Variants in PHKA1 observed in about 807,000 individuals in gnomAD.
PHKA1 encodes phosphorylase b kinase regulatory subunit alpha, skeletal muscle isoform.
Under a neutral mutation model 110.2 loss-of-function variants are expected in PHKA1, and 60 were observed. The ratio of observed to expected loss-of-function variants is 0.54; its 90% confidence interval spans 0.44 to 0.68. PHKA1 has a LOEUF of 0.68. PHKA1 is among the 30% of genes least tolerant of loss of function. The probability of loss-of-function intolerance (pLI) is 0.00; values close to 1 mark genes in which losing one functional copy is unlikely to be tolerated. For synonymous variants in PHKA1, 316 were observed against 333.6 expected (o/e 0.95, Z 0.58); for missense variants, 801 against 942.5 (o/e 0.85, Z 1.97).
At chrX:72,645,471 G>A (rs2053349479) in intron 13 of PHKA1, among the ~76,000 whole-genome samples, 1 of 112,035 alleles carries the variant, frequency 8.9e-6, no homozygotes, top group African/African-American at 3.2e-5. Context: ...CATGCTAATG[G>A]GCTGCTGTTG....
At chrX:72,662,228 C>T (rs781821133) in intron 8 of PHKA1, among the ~76,000 whole-genome samples, 27 of 111,994 alleles carry the variant, frequency 2.4e-4, no homozygotes, top group African/African-American at 6.8e-4. Flanking sequence ...AAAGCTGCTG[C>T]AGTACAGTGC....
intron 23 of PHKA1, among the ~76,000 whole-genome samples, chrX:72,607,467 T>C: frequency 8.9e-6 from 1 of 112,270 alleles, no homozygotes; most frequent in Admixed American, 9.4e-5. Flanking sequence ...ATTTCTCTGA[T>C]GATCAATGAT....
chrX:72,669,921 G>T (rs1197803996), intron 6 of PHKA1, among the ~76,000 whole-genome samples: 1 of 110,522 alleles, frequency 9.0e-6, no homozygotes, highest in African/African-American at 3.3e-5. Context: ...GGGTCAAATG[G>T]TATTTCTAGT....
chrX:72,682,037 G>A (rs782652055), intron 5 of PHKA1, among the ~76,000 whole-genome samples: 20 of 32,932 alleles, frequency 6.1e-4, no homozygotes, highest in African/African-American at 1.0e-3. Flanking sequence ...TGGGGGGGTC[G>A]GCCCCCCGCC....
intron 18 of PHKA1, among the ~76,000 whole-genome samples, chrX:72,621,572 T>C (rs982298286): frequency 1.8e-5 from 2 of 111,914 alleles, no homozygotes; most frequent in African/African-American, 6.5e-5. Context: ...GGTTTATAGT[T>C]AGAAAAACAC....
chrX:72,588,435 G>A (rs2052466814), intron 29 of PHKA1, among the ~76,000 whole-genome samples: 1 of 112,010 alleles, frequency 8.9e-6, no homozygotes, highest in African/African-American at 3.2e-5. Flanking sequence ...GCAGTGTGTA[G>A]AGGGAAATTT....
At chrX:72,647,787 T>C (rs1211850869) in intron 13 of PHKA1, among the ~76,000 whole-genome samples, 1 of 111,180 alleles carries the variant, frequency 9.0e-6, no homozygotes, top group African/African-American at 3.3e-5. Flanking sequence ...AATATTTATA[T>C]AAGCAAGAGC....
chrX:72,618,236 G>A (rs1318954668), intron 21 of PHKA1, among the ~76,000 whole-genome samples: 2 of 111,747 alleles, frequency 1.8e-5, no homozygotes, highest in African/African-American at 6.5e-5. Flanking sequence ...AGCTTGTGGG[G>A]TTTAGGAGAG....
chrX:72,611,199 A>T lies in PHKA1; in HGVS notation c.2370-15T>A. On this transcript the variant is annotated splice_polypyrimidine_tract_variant and intron_variant, in intron 21 of 31. Transcript: ENST00000373542. ...AGTCAGGTCCTCTAGAATTTTAACG[A>T]CAGGACTACATCAGTTTTAAGTAAA... The T allele has an allele frequency of 8.5e-7, 1 of 1,169,744 alleles. No individual in the cohort carries two copies. Among genetic ancestry groups the T allele is most frequent in the East Asian group, 3.0e-5 (1 of 33,671 alleles).
chrX:72,658,580 C>T (rs1438770518), intron 8 of PHKA1, among the ~76,000 whole-genome samples: 1 of 111,156 alleles, frequency 9.0e-6, no homozygotes, highest in Non-Finnish European at 1.9e-5. Flanking sequence ...ATATTGCATT[C>T]AGTCATCATG....
chrX:72,681,565 G>A (rs1352638332), intron 5 of PHKA1, among the ~76,000 whole-genome samples: 35 of 85,702 alleles, frequency 4.1e-4, no homozygotes, highest in African/African-American at 1.4e-3. Flanking sequence ...CCCCCCGCCC[G>A]GCCAGCCGCC....
chrX:72,597,809 G>A (rs782320461), intron 28 of PHKA1, among the ~76,000 whole-genome samples: 5 of 111,678 alleles, frequency 4.5e-5, no homozygotes, highest in Middle Eastern at 4.6e-3. Flanking sequence ...TGAGATCTAT[G>A]AGTCTTCCTA....
chrX:72,588,773 A>G (rs889141554), intron 29 of PHKA1, among the ~76,000 whole-genome samples: 19 of 111,880 alleles, frequency 1.7e-4, no homozygotes, highest in Non-Finnish European at 3.4e-4. Context: ...AGAAATACAA[A>G]ATACCATCAG....
Position 72,584,254 on chromosome X carries a change from T to C in PHKA1, c.3292A>G (p.Arg1098Gly). Reference sequence around the variant, plus strand: ...TGCAAGAAAGAGACTCTTACCTCTCTAGTGGTAGAGGAAGGAAGGACAAAC... The same window carrying C: ...TGCAAGAAAGAGACTCTTACCTCTCCAGTGGTAGAGGAAGGAAGGACAAAC... ...EGFVLPSSTTREMTPGEIKFS... is the reference protein window; with the variant it reads ...EGFVLPSSTTGEMTPGEIKFS... Residue 1098 changes from arginine to glycine, a missense_variant, in exon 30 of 32, where the codon AGA becomes GGA. Arg to Gly is a moderately radical substitution (Grantham distance 125, BLOSUM62 -2). Transcript: ENST00000373542. 8.3e-7 allele frequency: 1 copy of C among 1,201,640 alleles called. No homozygotes were observed. The highest frequency in any genetic ancestry group is 1.1e-6 in the Non-Finnish European group (1 of 886,556).
intron 21 of PHKA1, among the ~76,000 whole-genome samples, chrX:72,613,901 C>T (rs1375578904): frequency 9.0e-6 from 1 of 111,515 alleles, no homozygotes; most frequent in Non-Finnish European, 1.9e-5. Flanking sequence ...GGATATTCTG[C>T]AAAATAACTG....
intron 10 of PHKA1, among the ~76,000 whole-genome samples, chrX:72,655,420 T>C (rs918209886): frequency 2.3e-4 from 26 of 111,252 alleles, no homozygotes; most frequent in African/African-American, 8.1e-4. Flanking sequence ...GTCTTAAAAA[T>C]GACAACAAAA....
intron 2 of PHKA1, among the ~76,000 whole-genome samples, chrX:72,709,206 A>G: frequency 9.0e-6 from 1 of 111,148 alleles, no homozygotes; most frequent in South Asian, 3.8e-4. Flanking sequence ...CAAAAAGAAC[A>G]AAACTTAGCA....
chrX:72,656,498 T>C (rs1340735734), intron 9 of PHKA1, among the ~76,000 whole-genome samples: 4 of 112,435 alleles, frequency 3.6e-5, no homozygotes, highest in Non-Finnish European at 5.6e-5. Flanking sequence ...AGTTTGGTTT[T>C]ATATTTGTTA....
At chrX:72,693,129 T>C (rs1556323479) in intron 4 of PHKA1, among the ~76,000 whole-genome samples, 1 of 111,565 alleles carries the variant, frequency 9.0e-6, no homozygotes, top group East Asian at 2.8e-4. Context: ...GATTCCTAGG[T>C]TTCTTTCTGT....
Sources: allele counts gnomAD v4.1 joint callset (sites outside exome capture counted in the v4.1 genomes callset), GRCh38; gene constraint gnomAD v4.1.1; transcripts MANE v1.5; gene names NCBI Gene and HGNC (gene_info 2026-07-23, HGNC 2026-07-21).